The following ITPR2 variants were observed in gnomAD, a reference collection of about 807,000 sequenced individuals.
The protein encoded by ITPR2 is inositol 1,4,5-trisphosphate-gated calcium channel ITPR2.
In ITPR2, 207 loss-of-function variants were observed where a neutral mutation model predicts 317.1. The observed-to-expected ratio is 0.65, with a 90% CI of 0.58 to 0.73. The LOEUF is 0.73. ITPR2 is among the 30% of genes least tolerant of loss of function. The pLI is 0.00. For missense variants in ITPR2, 2,613 were observed against 3,284.0 expected (o/e 0.80, Z 4.99); for synonymous variants, 1,156 against 1,149.1 (o/e 1.01, Z -0.12).
chr12:26,581,644 G>T (rs1945407519), intron 32 of ITPR2, among the ~76,000 whole-genome samples: 1 of 152,060 alleles, frequency 6.6e-6, no homozygotes, highest in East Asian at 1.9e-4. Flanking sequence ...TTTAGGTTGG[G>T]CTATATTCCT....
At chr12:26,393,363 TATATG>T (rs1184349930) in intron 54 of ITPR2, among the ~76,000 whole-genome samples, 1 of 152,238 alleles carries the variant, frequency 6.6e-6, no homozygotes, top group Non-Finnish European at 1.5e-5. Context: ...TCTCCTAACA[TATATG>T]AGATGAATTA....
chr12:26,750,935 A>G (rs1025021069), intron 2 of ITPR2, among the ~76,000 whole-genome samples: 1 of 152,202 alleles, frequency 6.6e-6, no homozygotes, highest in African/African-American at 2.4e-5. Context: ...CATTTTACAA[A>G]TCAGTTAAAT....
At chr12:26,506,520 CAAAAA>C (rs11362827) in intron 37 of ITPR2, among the ~76,000 whole-genome samples, 4 of 87,532 alleles carry the variant, frequency 4.6e-5, no homozygotes, top group Non-Finnish European at 4.5e-5. Context: ...AATCCTGTCT[CAAAAA>C]AAAAAAAAAA....
intron 12 of ITPR2, 129 bp downstream of exon 12, chr12:26,682,445 A>T (rs1200355211): frequency 9.4e-6 from 6 of 640,556 alleles, no homozygotes; most frequent in Non-Finnish European, 1.6e-5. Context: ...TGCTTGATGA[A>T]ATTAATTGCA....
At chr12:26,367,065 G>C (rs758406389) in intron 55 of ITPR2, among the ~76,000 whole-genome samples, 9 of 152,132 alleles carry the variant, frequency 5.9e-5, no homozygotes, top group Non-Finnish European at 1.3e-4. Context: ...GAATTCTACA[G>C]AGTGACTGTA....
chr12:26,822,583 T>C (rs1182147991), intron 1 of ITPR2, among the ~76,000 whole-genome samples: 1 of 152,190 alleles, frequency 6.6e-6, no homozygotes, highest in Non-Finnish European at 1.5e-5. Context: ...AAATTCTAAT[T>C]AAGTTCATGA....
chr12:26,495,447 T>C, intron 37 of ITPR2, 187 bp from the exon 38 acceptor site: 1 of 519,850 alleles, frequency 1.9e-6, no homozygotes, highest in Non-Finnish European at 3.4e-6. Context: ...TCATTTTGCT[T>C]CTCATAATAA....
chr12:26,816,122 C>G (rs1056295592), intron 1 of ITPR2, among the ~76,000 whole-genome samples: 1 of 143,332 alleles, frequency 7.0e-6, no homozygotes, highest in Non-Finnish European at 1.5e-5. Flanking sequence ...AAAAGGTGTA[C>G]TGCAAAATGA....
chr12:26,658,539 G>T (rs1947424812), intron 16 of ITPR2, among the ~76,000 whole-genome samples: 2 of 152,142 alleles, frequency 1.3e-5, no homozygotes, highest in Admixed American at 1.3e-4. Flanking sequence ...CTATGACCTG[G>T]TCAAGTCAGA....
At chr12:26,739,781 TGGTATA>T in intron 2 of ITPR2, among the ~76,000 whole-genome samples, 1 of 152,366 alleles carries the variant, frequency 6.6e-6, no homozygotes, top group African/African-American at 2.4e-5. Flanking sequence ...GTAAATTTTA[TGGTATA>T]TAAGTTACTA....
At chr12:26,361,618 A>T (rs1274784176) in intron 55 of ITPR2, among the ~76,000 whole-genome samples, 1 of 152,262 alleles carries the variant, frequency 6.6e-6, no homozygotes, top group Non-Finnish European at 1.5e-5. Context: ...ATATATAAAA[A>T]TGAAGTTTAC....
At chr12:26,381,657 G>C (rs1205283147) in intron 55 of ITPR2, among the ~76,000 whole-genome samples, 1 of 152,224 alleles carries the variant, frequency 6.6e-6, no homozygotes, top group Non-Finnish European at 1.5e-5. Context: ...CAACACTGCT[G>C]CAATGTCAGA....
intron 37 of ITPR2, among the ~76,000 whole-genome samples, chr12:26,549,864 C>T (rs1944482277): frequency 6.6e-6 from 1 of 151,612 alleles, no homozygotes. Flanking sequence ...ATAAAAAAAT[C>T]AACATATGCC....
At chr12:26,497,731 A>G (rs7397225) in intron 37 of ITPR2, among the ~76,000 whole-genome samples, 146,427 of 146,496 alleles carry the variant, frequency 1, 73,179 homozygotes, top group Middle Eastern at 1. Context: ...TTTTTTTTGA[A>G]ACGGAGTCTC....
chr12:26,539,906 T>C (rs1278892005), intron 37 of ITPR2, among the ~76,000 whole-genome samples: 2 of 152,246 alleles, frequency 1.3e-5, no homozygotes, highest in Non-Finnish European at 2.9e-5. Flanking sequence ...ATGTGCTGCA[T>C]TGCAGAGAGC....
intron 5 of ITPR2, among the ~76,000 whole-genome samples, chr12:26,720,524 T>C (rs1010948817): frequency 6.6e-6 from 1 of 152,204 alleles, no homozygotes; most frequent in Admixed American, 6.5e-5. Flanking sequence ...TACAATACAA[T>C]TATTTATGTG....
intron 8 of ITPR2, among the ~76,000 whole-genome samples, chr12:26,712,422 T>C (rs187713605): frequency 6.6e-6 from 1 of 152,300 alleles, no homozygotes; most frequent in Admixed American, 6.5e-5. Context: ...ATAATAATTA[T>C]GAAAATACTT....
rs1292519959 is a variant in ITPR2 at position 26,769,019 on chromosome 12, ACACACACC to A, written c.163+21130_163+21137del. Among the ~76,000 whole-genome samples the A allele has an allele frequency of 1.5e-3, 230 of 151,750 alleles. 1 individual carries two copies. The Middle Eastern group carries it at 0.041, about 27-fold the overall frequency. ...AACACACACACACACACACACACAC[ACACACACC>A]CCAATCTCAGCCACATAGTAAAACA... On this transcript the variant is annotated intron_variant, in intron 2 of 56. Transcript: ENST00000381340.
At chr12:26,628,996 T>G (rs924667699) in intron 22 of ITPR2, among the ~76,000 whole-genome samples, 1 of 152,194 alleles carries the variant, frequency 6.6e-6, no homozygotes, top group African/African-American at 2.4e-5. Context: ...TGTTTAACCT[T>G]TTGTTTCAGC....
Sources: allele counts gnomAD v4.1 joint callset (sites outside exome capture counted in the v4.1 genomes callset), GRCh38; gene constraint gnomAD v4.1.1; transcripts MANE v1.5; gene names NCBI Gene and HGNC (gene_info 2026-07-23, HGNC 2026-07-21).